HPSE2: variants seen among roughly 807,000 people sequenced by gnomAD.
The protein encoded by HPSE2 is inactive heparanase-2.
Under a neutral mutation model 60.5 loss-of-function variants are expected in HPSE2, and 38 were observed. The ratio of observed to expected loss-of-function variants is 0.63; its 90% CI spans 0.48 to 0.82. The LOEUF (loss-of-function observed/expected upper bound fraction) is 0.82, where lower values mean the gene tolerates loss of function less well. HPSE2 is among the 40% of genes least tolerant of loss of function. The pLI is 0.00. For synonymous variants in HPSE2, 295 were observed against 293.2 expected, an observed-to-expected ratio of 1.01 and a Z score of -0.06; for missense variants, 713 against 740.4, an observed-to-expected ratio of 0.96 and a Z score of 0.43.
chr10:99,172,746 C>T lies in HPSE2; in HGVS notation c.449-28347G>A, dbSNP rs183656436. Reference sequence around the variant, plus strand: ...TACAAAAATTAGCCAGGTGTGGTGGCGCATGCTTGTAATCCCATCTACTTG... The same window carrying T: ...TACAAAAATTAGCCAGGTGTGGTGGTGCATGCTTGTAATCCCATCTACTTG... On this transcript the variant is annotated intron_variant, in intron 2 of 11. Coordinates refer to ENST00000370552, the MANE Select transcript of HPSE2 (RefSeq NM_021828.5). Among the ~76,000 whole-genome samples the T allele has an allele frequency of 1.9e-3, 287 of 152,130 alleles. 1 individual carries two copies. Among genetic ancestry groups the T allele is most frequent in the Admixed American group, 4.2e-3 (64 of 15,270 alleles).
chr10:98,873,804 T>C (rs1412410257), intron 3 of HPSE2, among the ~76,000 whole-genome samples: 2 of 152,136 alleles, frequency 1.3e-5, no homozygotes, highest in African/African-American at 4.8e-5. Context: ...TCTTCCTCAA[T>C]GGTTGAGCTA....
At chr10:99,234,427 C>T (rs933549305) in intron 1 of HPSE2, among the ~76,000 whole-genome samples, 3 of 152,214 alleles carry the variant, frequency 2.0e-5, no homozygotes, top group Non-Finnish European at 4.4e-5. Flanking sequence ...ACGGACCTGG[C>T]CTCGGGGCAA....
intron 3 of HPSE2, among the ~76,000 whole-genome samples, chr10:98,797,686 T>C (rs1489356885): frequency 6.6e-6 from 1 of 151,088 alleles, no homozygotes; most frequent in Non-Finnish European, 1.5e-5. Flanking sequence ...TACTAAAAAA[T>C]ACAAAAAATT....
Position 98,693,888 on chromosome 10 carries a change from G to A in HPSE2, c.1004+12C>T, listed in dbSNP as rs1302030636. ...CTGATAATAAGTAAGAGCAAAAATGGTGAATACCTACTGTTGCCAGGTAAC... is the reference window on the plus strand; with the variant it reads ...CTGATAATAAGTAAGAGCAAAAATGATGAATACCTACTGTTGCCAGGTAAC... On this transcript the variant is annotated intron_variant, in intron 6 of 11. Coordinates refer to ENST00000370552, the MANE Select transcript of HPSE2 (RefSeq NM_021828.5). 1 of 1,603,830 alleles carries A rather than the reference G, an allele frequency of 6.2e-7. No homozygotes were observed. The highest frequency in any genetic ancestry group is 1.1e-5 in the South Asian group (1 of 90,848).
chr10:98,691,616 C>T (rs1381220128), intron 6 of HPSE2, among the ~76,000 whole-genome samples: 8 of 152,158 alleles, frequency 5.3e-5, no homozygotes, highest in South Asian at 2.1e-4. Flanking sequence ...CTTTATACTA[C>T]GTTATCCAGA....
chr10:99,136,316 G>A (rs1157025172), intron 3 of HPSE2, among the ~76,000 whole-genome samples: 1 of 152,124 alleles, frequency 6.6e-6, no homozygotes, highest in Non-Finnish European at 1.5e-5. Flanking sequence ...GAGGTACAAA[G>A]AGGAACAGGT....
At chr10:99,206,189 T>C (rs1175378961) in intron 2 of HPSE2, among the ~76,000 whole-genome samples, 1 of 152,224 alleles carries the variant, frequency 6.6e-6, no homozygotes, top group Non-Finnish European at 1.5e-5. Context: ...TCAGTGCAGC[T>C]ACAACAGCAG....
At chr10:99,135,472 A>G (rs1228627766) in intron 3 of HPSE2, among the ~76,000 whole-genome samples, 1 of 152,234 alleles carries the variant, frequency 6.6e-6, no homozygotes, top group African/African-American at 2.4e-5. Context: ...AACACTCCTC[A>G]GCAGATGCAA....
At chr10:99,226,941 T>C (rs1849492793) in intron 2 of HPSE2, among the ~76,000 whole-genome samples, 1 of 152,070 alleles carries the variant, frequency 6.6e-6, no homozygotes, top group African/African-American at 2.4e-5. Context: ...TGCCATTCTT[T>C]GTCTAGCATG....
At chr10:98,942,611 G>A (rs906651756) in intron 3 of HPSE2, among the ~76,000 whole-genome samples, 6 of 152,094 alleles carry the variant, frequency 3.9e-5, no homozygotes, top group Admixed American at 6.5e-5. Context: ...AGAGAAATAG[G>A]AACACTTTCA....
chr10:98,982,112 A>C (rs1022969538), intron 3 of HPSE2, among the ~76,000 whole-genome samples: 1 of 152,042 alleles, frequency 6.6e-6, no homozygotes, highest in Non-Finnish European at 1.5e-5. Flanking sequence ...TTTTTAGAGA[A>C]AAAAGCCTTG....
chr10:98,509,933 G>C (rs1942333021), intron 9 of HPSE2, among the ~76,000 whole-genome samples: 1 of 151,844 alleles, frequency 6.6e-6, no homozygotes, highest in African/African-American at 2.4e-5. Context: ...TAAAAGCTTA[G>C]TGCTATCAAG....
At chr10:99,147,192 G>A (rs1048829998) in intron 2 of HPSE2, among the ~76,000 whole-genome samples, 1 of 152,146 alleles carries the variant, frequency 6.6e-6, no homozygotes, top group African/African-American at 2.4e-5. Context: ...ATCCAGGGAT[G>A]TTCAAAGCCA....
intron 3 of HPSE2, among the ~76,000 whole-genome samples, chr10:98,751,590 G>C (rs148195150): frequency 6.6e-6 from 1 of 152,276 alleles, no homozygotes; most frequent in Non-Finnish European, 1.5e-5. Flanking sequence ...GGTGACTCCA[G>C]AAGGAAAAAT....
chr10:99,209,054 G>C (rs989603623), intron 2 of HPSE2, among the ~76,000 whole-genome samples: 1 of 152,054 alleles, frequency 6.6e-6, no homozygotes, highest in Non-Finnish European at 1.5e-5. Context: ...TAATAGCAGG[G>C]TACTTCAATA....
intron 9 of HPSE2, among the ~76,000 whole-genome samples, chr10:98,592,516 C>T (rs1348881806): frequency 6.6e-6 from 1 of 152,180 alleles, no homozygotes; most frequent in African/African-American, 2.4e-5. Flanking sequence ...CTTCCCCAGA[C>T]CCCCTGGATA....
chr10:98,993,013 C>T (rs1490645711), intron 3 of HPSE2, among the ~76,000 whole-genome samples: 1 of 152,140 alleles, frequency 6.6e-6, no homozygotes, highest in Non-Finnish European at 1.5e-5. Context: ...ATTTTCTTGT[C>T]CCTTCTTTGA....
intron 3 of HPSE2, among the ~76,000 whole-genome samples, chr10:98,761,867 C>G (rs184768195): frequency 6.6e-6 from 1 of 152,050 alleles, no homozygotes; most frequent in African/African-American, 2.4e-5. Context: ...GTGTGATAGG[C>G]GCTAAAAGTA....
chr10:99,286,119 T>C, the HPSE2 span, among the ~76,000 whole-genome samples: 287 of 152,260 alleles, frequency 1.9e-3, 2 homozygotes, highest in African/African-American at 6.7e-3. Context: ...CATACATAGC[T>C]AATGGGAACG....
Sources: allele counts gnomAD v4.1 joint callset (sites outside exome capture counted in the v4.1 genomes callset), GRCh38; gene constraint gnomAD v4.1.1; transcripts MANE v1.5; gene names NCBI Gene and HGNC (gene_info 2026-07-23, HGNC 2026-07-21).